The following DOK6 variants were observed in gnomAD, a reference collection of about 807,000 sequenced individuals.
DOK6 encodes downstream of tyrosine kinase 6.
DOK6 carries 22 observed loss-of-function variants against 44.0 expected under a neutral mutation model. The ratio of observed to expected loss-of-function variants is 0.50; its 90% CI spans 0.36 to 0.71. The LOEUF (loss-of-function observed/expected upper bound fraction) is 0.71. Among genes scored for constraint, DOK6 ranks in the 30% least tolerant of loss-of-function variants. The pLI, the probability that DOK6 is intolerant of heterozygous loss-of-function variation, is 0.00. For missense variants in DOK6, 340 were observed against 416.4 expected, an observed-to-expected ratio of 0.82 and a Z score of 1.60; for synonymous variants, 166 against 145.5, an observed-to-expected ratio of 1.14 and a Z score of -1.01.
At chr18:69,663,014 T>G (rs1295768918) in intron 3 of DOK6, 1 of 152,220 alleles carries the variant, frequency 6.6e-6, no homozygotes, top group Non-Finnish European at 1.5e-5. Flanking sequence ...GAAAATGTTT[T>G]GAATCTCAAG....
intron 2 of DOK6, among the ~76,000 whole-genome samples, chr18:69,565,513 GTGTGTGTGTATATATA>G (rs772985743): frequency 0.02 from 1,223 of 61,308 alleles, 22 homozygotes; most frequent in East Asian, 0.18. Flanking sequence ...GTGTGTGTGT[GTGTGTGTGTATATATA>G]TATACATAAT....
chr18:69,542,903 T>C (rs144044690), intron 1 of DOK6, among the ~76,000 whole-genome samples: 2 of 151,622 alleles, frequency 1.3e-5, no homozygotes, highest in African/African-American at 4.8e-5. Context: ...AGTTGAGATC[T>C]TGACATTTCT....
chr18:69,452,446 G>A (rs1435900616), intron 1 of DOK6, among the ~76,000 whole-genome samples: 2 of 125,366 alleles, frequency 1.6e-5, no homozygotes, highest in East Asian at 6.0e-4. Context: ...AAGAGTCCAG[G>A]ACCAGATGAA....
intron 7 of DOK6, among the ~76,000 whole-genome samples, chr18:69,837,558 G>A (rs994025842): frequency 1.6e-5 from 2 of 129,000 alleles, no homozygotes; most frequent in South Asian, 2.8e-4. Flanking sequence ...TGGAGAAAGC[G>A]CAGGTGTTCA....
chr18:69,484,645 T>G (rs574573907), intron 1 of DOK6, among the ~76,000 whole-genome samples: 1 of 152,220 alleles, frequency 6.6e-6, no homozygotes, highest in South Asian at 2.1e-4. Flanking sequence ...TTGAGTGTGT[T>G]TCTATTGAAA....
intron 7 of DOK6, among the ~76,000 whole-genome samples, chr18:69,809,530 TTATA>T (rs1479261956): frequency 2.7e-5 from 4 of 149,162 alleles, no homozygotes; most frequent in Non-Finnish European, 6.0e-5. Context: ...CAACATGATC[TTATA>T]TATAGAAAAC....
chr18:69,752,116 A>G (rs968534459), intron 6 of DOK6, among the ~76,000 whole-genome samples: 10 of 152,168 alleles, frequency 6.6e-5, no homozygotes, highest in Non-Finnish European at 1.5e-4. Context: ...AAATATAAGA[A>G]CTGAAAAATA....
chr18:69,719,050 C>G (rs1403970542), intron 5 of DOK6, among the ~76,000 whole-genome samples: 4 of 152,092 alleles, frequency 2.6e-5, no homozygotes, highest in Non-Finnish European at 5.9e-5. Flanking sequence ...TATTATAGCC[C>G]AATGGGTTCT....
chr18:69,590,996 T>C (rs1159875737), intron 2 of DOK6, among the ~76,000 whole-genome samples: 1 of 152,170 alleles, frequency 6.6e-6, no homozygotes, highest in Non-Finnish European at 1.5e-5. Context: ...CTGGTTTTCA[T>C]TTTCACTGTT....
chr18:69,553,619 C>G (rs1473590201), intron 1 of DOK6, among the ~76,000 whole-genome samples: 1 of 152,128 alleles, frequency 6.6e-6, no homozygotes, highest in Non-Finnish European at 1.5e-5. Flanking sequence ...GTATGTGAAG[C>G]CCCCAGCACG....
At chr18:69,762,871 A>G (rs1225479749) in intron 7 of DOK6, among the ~76,000 whole-genome samples, 1 of 152,250 alleles carries the variant, frequency 6.6e-6, no homozygotes, top group Non-Finnish European at 1.5e-5. Flanking sequence ...GAGATCCTGC[A>G]TCTACCTTCA....
intron 1 of DOK6, among the ~76,000 whole-genome samples, chr18:69,516,170 T>C (rs1018304880): frequency 6.6e-6 from 1 of 152,192 alleles, no homozygotes; most frequent in Non-Finnish European, 1.5e-5. Flanking sequence ...CCAGGTTGTT[T>C]TACAAAGTGT....
At chr18:69,409,748 G>T (rs955239722) in intron 1 of DOK6, among the ~76,000 whole-genome samples, 2 of 152,210 alleles carry the variant, frequency 1.3e-5, no homozygotes, top group Admixed American at 1.3e-4. Flanking sequence ...TTAACACCAT[G>T]GCAACCAGTA....
chr18:69,781,619 G>C (rs149742946), intron 7 of DOK6, among the ~76,000 whole-genome samples: 83 of 152,266 alleles, frequency 5.5e-4, no homozygotes, highest in African/African-American at 1.9e-3. Flanking sequence ...AATTGTCTCA[G>C]CTACAGATGG....
At chr18:69,497,008 C>T (rs1980909716) in intron 1 of DOK6, among the ~76,000 whole-genome samples, 1 of 152,106 alleles carries the variant, frequency 6.6e-6, no homozygotes, top group South Asian at 2.1e-4. Context: ...TTGTTCTAAG[C>T]ATATTACTAA....
chr18:69,597,866 T>A (rs2144621182), intron 2 of DOK6, among the ~76,000 whole-genome samples: 1 of 152,344 alleles, frequency 6.6e-6, no homozygotes, highest in East Asian at 1.9e-4. Flanking sequence ...ATGTTGGGGT[T>A]GTAAATACAT....
intron 6 of DOK6, among the ~76,000 whole-genome samples, chr18:69,757,106 A>G (rs1191815347): frequency 6.6e-6 from 1 of 152,254 alleles, no homozygotes; most frequent in Non-Finnish European, 1.5e-5. Context: ...GCAATCCTTA[A>G]AATGTATGTT....
chr18:69,667,099 A>G (rs1039753804), intron 3 of DOK6, among the ~76,000 whole-genome samples: 5 of 152,086 alleles, frequency 3.3e-5, no homozygotes, highest in Admixed American at 2.6e-4. Context: ...ATCTCTGTCC[A>G]TGTCAGCTAC....
intron 1 of DOK6, among the ~76,000 whole-genome samples, chr18:69,530,201 A>G (rs1182316431): frequency 1.3e-5 from 2 of 152,228 alleles, no homozygotes; most frequent in African/African-American, 4.8e-5. Flanking sequence ...TCTGATTCCA[A>G]GGCACACTGC....
Sources: allele counts gnomAD v4.1 joint callset (sites outside exome capture counted in the v4.1 genomes callset), GRCh38; gene constraint gnomAD v4.1.1; transcripts MANE v1.5; gene names NCBI Gene and HGNC (gene_info 2026-07-23, HGNC 2026-07-21).